Variants in RNF6 observed in about 807,000 individuals in gnomAD.
RNF6 encodes ring finger protein 6, also known as E3 ubiquitin-protein ligase RNF6.
Under a neutral mutation model 50.1 loss-of-function variants are expected in RNF6, and 21 were observed. The observed-to-expected ratio is 0.42, with a 90% CI of 0.30 to 0.60. The LOEUF (loss-of-function observed/expected upper bound fraction) is 0.60, where lower values mean the gene tolerates loss of function less well. Ranked by LOEUF, RNF6 falls within the 20% of genes least tolerant of loss-of-function variation. The pLI is 0.20. For missense variants in RNF6, 698 were observed against 838.2 expected (o/e 0.83, Z 2.07); for synonymous variants, 255 against 291.8 (o/e 0.87, Z 1.29).
rs1356702168 is a variant in RNF6, at chr13:26,213,188, G to A, written c.*636C>T. ...AATTATATCTGAATCCCCTTTCTCT[G>A]AGATGAACTTGCCAATATTAAACAT... On this transcript the variant is annotated 3_prime_UTR_variant, in exon 5 of 5. Transcript: ENST00000381588. The A allele has an allele frequency of 1.3e-5, 2 of 152,538 alleles. No individual in the cohort carries two copies. The highest frequency in any genetic ancestry group is 2.9e-5 in the Non-Finnish European group (2 of 68,014). The allele number at this position is 152,538 out of a possible 1,614,324, so 9.4% of individuals were successfully genotyped here. A position where few individuals can be genotyped will look rare whatever the true frequency, so the allele number is the denominator to read the frequency against.
At chr13:26,163,730 A>G (rs1872320657) in intron 5 of RNF6, among the ~76,000 whole-genome samples, 1 of 147,922 alleles carries the variant, frequency 6.8e-6, no homozygotes, top group East Asian at 1.9e-4. Context: ...GATTGTACCT[A>G]AAATTTATTG....
chr13:26,140,832 CAAT>C (rs1011918848), intron 5 of RNF6, among the ~76,000 whole-genome samples: 89 of 152,246 alleles, frequency 5.8e-4, no homozygotes, highest in African/African-American at 2.1e-3. Flanking sequence ...CTGCATAGAA[CAAT>C]AATGTTCAAA....
chr13:26,221,533 C>T (rs1296919822), intron 1 of RNF6: 1 of 152,238 alleles, frequency 6.6e-6, no homozygotes, highest in Non-Finnish European at 1.5e-5. Flanking sequence ...CAAACTTAGG[C>T]CTTTCGTCCT....
chr13:26,137,305 C>CT (rs201680309), intron 5 of RNF6, among the ~76,000 whole-genome samples: 661 of 150,508 alleles, frequency 4.4e-3, no homozygotes, highest in Non-Finnish European at 6.6e-3. Flanking sequence ...AACTAAAGAG[C>CT]TTTTTTTTTA....
intron 5 of RNF6, among the ~76,000 whole-genome samples, chr13:26,179,394 T>G (rs1055499660): frequency 1.3e-5 from 2 of 152,150 alleles, no homozygotes; most frequent in African/African-American, 4.8e-5. Flanking sequence ...GAATGGAGTC[T>G]CATCTGCCTG....
intron 5 of RNF6, among the ~76,000 whole-genome samples, chr13:26,148,989 G>C (rs2137576538): frequency 1.3e-5 from 2 of 151,934 alleles, no homozygotes; most frequent in South Asian, 4.2e-4. Context: ...GCCTGTAATT[G>C]ATTGGATAAA....
At chr13:26,135,412 C>A (rs1040546402) in intron 5 of RNF6, 5 of 152,056 alleles carry the variant, frequency 3.3e-5, no homozygotes, top group African/African-American at 1.2e-4. Context: ...GGATAAATTA[C>A]ATCCACTCAA....
At chr13:26,219,102 AAAT>A (rs1461140260) in intron 3 of RNF6, among the ~76,000 whole-genome samples, 3 of 152,168 alleles carry the variant, frequency 2.0e-5, no homozygotes, top group Non-Finnish European at 4.4e-5. Context: ...TCAGCTGAAT[AAAT>A]AAATTATAAT....
chr13:26,187,859 G>T (rs1035184390), intron 5 of RNF6, among the ~76,000 whole-genome samples: 1 of 152,192 alleles, frequency 6.6e-6, no homozygotes, highest in Non-Finnish European at 1.5e-5. Context: ...AACTAGCTGG[G>T]ACTACAGGCG....
chr13:26,150,166 T>A (rs1010465707), intron 5 of RNF6, among the ~76,000 whole-genome samples: 3 of 151,704 alleles, frequency 2.0e-5, no homozygotes, highest in Admixed American at 1.3e-4. Context: ...TTATTTGTGT[T>A]TAACCATATT....
chr13:26,194,503 A>T (rs1192727864), intron 5 of RNF6, among the ~76,000 whole-genome samples: 1 of 152,152 alleles, frequency 6.6e-6, no homozygotes, highest in Non-Finnish European at 1.5e-5. Flanking sequence ...TCACATCACT[A>T]AAGGCCTGTT....
intron 5 of RNF6, among the ~76,000 whole-genome samples, chr13:26,176,951 T>C (rs1452216308): frequency 6.6e-6 from 1 of 151,760 alleles, no homozygotes; most frequent in Non-Finnish European, 1.5e-5. Flanking sequence ...CAAACTAACA[T>C]ACAAACAAAA....
intron 4 of RNF6, among the ~76,000 whole-genome samples, chr13:26,216,139 C>T (rs951118760): frequency 6.6e-6 from 1 of 152,062 alleles, no homozygotes; most frequent in African/African-American, 2.4e-5. Context: ...ACATTAAAAC[C>T]ACATTACTGT....
intron 5 of RNF6, among the ~76,000 whole-genome samples, chr13:26,159,395 C>T (rs1377033147): frequency 6.6e-6 from 1 of 152,062 alleles, no homozygotes; most frequent in African/African-American, 2.4e-5. Context: ...GAGGCTGAGG[C>T]ACGTGAATCA....
At position 26,213,659 on chromosome 13, in the gene RNF6, T is replaced by A; in HGVS notation, c.*165A>T. ...TTTAACATTTGTATTTTAAATTTTA[T>A]ATAAATTTCTTTTTAACAAGTTTAA... On this transcript the variant is annotated 3_prime_UTR_variant, in exon 5 of 5. Transcript: ENST00000381588. 4 of 469,664 alleles carry A rather than the reference T, an allele frequency of 8.5e-6. No homozygotes were observed. The highest frequency in any genetic ancestry group is 1.5e-5 in the Non-Finnish European group (4 of 274,210). The allele number at this position is 469,664 out of a possible 1,614,324, so 29.1% of individuals were successfully genotyped here. A position where few individuals can be genotyped will look rare whatever the true frequency, so the allele number is the denominator to read the frequency against.
intron 5 of RNF6, among the ~76,000 whole-genome samples, chr13:26,180,784 T>G (rs1359216168): frequency 6.6e-6 from 1 of 152,210 alleles, no homozygotes; most frequent in Non-Finnish European, 1.5e-5. Flanking sequence ...GCTCCAAATA[T>G]CTGGGTGGCA....
intron 5 of RNF6, among the ~76,000 whole-genome samples, chr13:26,206,495 A>C (rs551823364): frequency 3.2e-4 from 48 of 152,294 alleles, no homozygotes; most frequent in African/African-American, 1.1e-3. Flanking sequence ...TTTCAGGACC[A>C]TTGGATTTTT....
downstream of RNF6, among the ~76,000 whole-genome samples, chr13:26,210,711 C>T (rs1262431537): frequency 6.6e-6 from 1 of 152,172 alleles, no homozygotes; most frequent in African/African-American, 2.4e-5. Context: ...GGCAAATAGC[C>T]ACGTGATTGA....
Position 26,215,204 on chromosome 13 carries a change from T to TTCAGCTGGA in RNF6, c.669_677dup (p.Ala225_Glu226insAspProAla), listed in dbSNP as rs1268019304. On this transcript the variant is annotated inframe_insertion, in exon 5 of 5. Transcript: ENST00000381588. ...ACCTTCCCAATGTTGAGAAAGATCC[T>TTCAGCTGGA]TCAGCTGGATTTTGCCCCCTTGAAG... is the stretch of plus-strand genomic sequence containing the variant. 1 of 1,614,116 alleles carries TTCAGCTGGA rather than the reference T, an allele frequency of 6.2e-7. No individual in the cohort carries two copies.
Sources: allele counts gnomAD v4.1 joint callset (sites outside exome capture counted in the v4.1 genomes callset), GRCh38; gene constraint gnomAD v4.1.1; transcripts MANE v1.5; gene names NCBI Gene and HGNC (gene_info 2026-07-23, HGNC 2026-07-21).